Variants in LTV1 observed in about 807,000 individuals in gnomAD.
LTV1 encodes LTV1 ribosome biogenesis factor.
A neutral mutation model predicts 59.9 loss-of-function variants in LTV1; 39 were observed. The observed-to-expected ratio is 0.65, with a 90% confidence interval of 0.50 to 0.85. The LOEUF is 0.85. Among genes scored for constraint, LTV1 ranks in the 40% least tolerant of loss-of-function variants. The pLI is 0.00. For missense variants in LTV1, 493 were observed against 549.1 expected (o/e 0.90, Z 1.02); for synonymous variants, 171 against 189.5 (o/e 0.90, Z 0.80).
Position 143,857,792 on chromosome 6 carries a change from G to C in LTV1, c.580G>C (p.Asp194His), listed in dbSNP as rs777511525. ...NEDDSEWEDV[D>H]DEKGDSNDDY... ...AGATGACAGCGAGTGGGAAGATGTG[G>C]ATGATGAGAAGGGAGATAGCAATGA... Residue 194 changes from aspartate to histidine, a missense_variant, in exon 6 of 11, where the codon GAT becomes CAT. By Grantham distance (81) the Asp-to-His change is moderately conservative. Transcript: ENST00000367576. The surrounding 1 kb of genome is among the most constrained non-coding windows in gnomAD (Gnocchi z 5.2). 55 of 1,613,990 alleles carry C rather than the reference G, an allele frequency of 3.4e-5. No homozygotes were observed. The highest frequency in any genetic ancestry group is 4.6e-5 in the Non-Finnish European group (54 of 1,179,984).
At chr6:143,849,075 A>C (rs1776941482) in intron 3 of LTV1, among the ~76,000 whole-genome samples, 1 of 152,204 alleles carries the variant, frequency 6.6e-6, no homozygotes, top group Non-Finnish European at 1.5e-5. Flanking sequence ...TCAGAAACTC[A>C]AGAAGGTCAC....
At chr6:143,856,893 A>G (rs1256423587) in intron 4 of LTV1, among the ~76,000 whole-genome samples, 1 of 152,194 alleles carries the variant, frequency 6.6e-6, no homozygotes, top group Non-Finnish European at 1.5e-5. Context: ...GGTGTCTCCT[A>G]GGCAGGAGGC....
chr6:143,846,289 CT>C, intron 3 of LTV1, 65 bp downstream of exon 3: 9 of 1,464,262 alleles, frequency 6.1e-6, no homozygotes, highest in Non-Finnish European at 8.4e-6. Context: ...ATCAAGATAT[CT>C]GTTTGGGGCA....
chr6:143,853,607 G>C (rs1264077476), intron 4 of LTV1, among the ~76,000 whole-genome samples: 1 of 152,168 alleles, frequency 6.6e-6, no homozygotes, highest in Non-Finnish European at 1.5e-5. Flanking sequence ...CTGAGGGTTT[G>C]TCATAAATAG....
chr6:143,851,080 G>A lies in LTV1; in HGVS notation c.397+862G>A, dbSNP rs574274931. ...CCAGACAGAGGACTGTATGTCCTAA[G>A]GCAAGAGAACGTGAATATAGGTAAC... On this transcript the variant is annotated intron_variant, in intron 4 of 10. Transcript: ENST00000367576. 4.6e-5 allele frequency among the ~76,000 whole-genome samples: 7 copies of A among 152,242 alleles called. No homozygotes were observed. In the East Asian group the frequency reaches 1.4e-3, roughly 29 times the overall value.
chr6:143,853,036 T>G (rs1777012815), intron 4 of LTV1, among the ~76,000 whole-genome samples: 1 of 151,562 alleles, frequency 6.6e-6, no homozygotes, highest in African/African-American at 2.4e-5. Context: ...TGCTTAGGAT[T>G]ATCTTGTAAA....
At position 143,857,479 on chromosome 6, in the gene LTV1, C is replaced by T. The variant is rs1261387963; in HGVS notation, c.539+35C>T. ...GTTTGTTTCAAAGCAGAGATGATGA[C>T]CTAAGTGTTACTGCTTCAGTGGGAT... On this transcript the variant is annotated intron_variant, in intron 5 of 10. Transcript: ENST00000367576. This position sits in a 1 kb window ranked among gnomAD's most constrained non-coding sequence, Gnocchi z 5.2. 15 of 1,565,428 alleles carry T rather than the reference C, an allele frequency of 9.6e-6. No individual in the cohort carries two copies. Among genetic ancestry groups the T allele is most frequent in the Non-Finnish European group, 1.3e-5 (15 of 1,136,934 alleles).
chr6:143,857,559 A>T lies in LTV1; in HGVS notation c.539+115A>T. The T allele has an allele frequency of 8.8e-7, 1 of 1,137,420 alleles. No homozygotes were observed. Among genetic ancestry groups the T allele is most frequent in the Non-Finnish European group, 1.3e-6 (1 of 781,444 alleles). The allele number at this position is 1,137,420 out of a possible 1,614,324, so 70.5% of individuals were successfully genotyped here. On this transcript the variant is annotated intron_variant, in intron 5 of 10. Coordinates refer to ENST00000367576, the MANE Select transcript of LTV1 (RefSeq NM_032860.5). The surrounding 1 kb of genome is among the most constrained non-coding windows in gnomAD (Gnocchi z 5.2). ...GACCTTCAAGAGCATTTAATCTGAG[A>T]CTTCTGTATTTTAGAGCAGAAAATG... is the stretch of plus-strand genomic sequence containing the variant.
chr6:143,854,955 A>G (rs1302529657), intron 4 of LTV1, among the ~76,000 whole-genome samples: 2 of 152,140 alleles, frequency 1.3e-5, no homozygotes, highest in Admixed American at 6.5e-5. Flanking sequence ...GTCACTGTCT[A>G]TTAGGTCTGC....
intron 6 of LTV1, chr6:143,858,345 G>C (rs1777113271): frequency 4.2e-6 from 1 of 238,684 alleles, no homozygotes; most frequent in Non-Finnish European, 8.5e-6. Context: ...AAAAGTAGCT[G>C]TAATAGTTTT....
chr6:143,850,118 T>A lies in LTV1; in HGVS notation c.310-13T>A. On this transcript the variant is annotated splice_polypyrimidine_tract_variant and intron_variant, in intron 3 of 10. Coordinates refer to ENST00000367576, the MANE Select transcript of LTV1 (RefSeq NM_032860.5). ...CCAAATAAACCTAACCATTGTGCAA[T>A]TTCTTTTTCAAGAGCACTGGAATTA... 1.9e-6 allele frequency: 3 copies of A among 1,608,162 alleles called. No individual in the cohort carries two copies. Among genetic ancestry groups the A allele is most frequent in the Non-Finnish European group, 2.6e-6 (3 of 1,175,760 alleles).
At chr6:143,849,741 T>A (rs1562329684) in intron 3 of LTV1, among the ~76,000 whole-genome samples, 1 of 152,190 alleles carries the variant, frequency 6.6e-6, no homozygotes, top group Non-Finnish European at 1.5e-5. Flanking sequence ...CCTTCATGGT[T>A]CTGGAGGTCA....
Position 143,863,157 on chromosome 6 carries a change from A to G in LTV1, c.1188A>G (p.Ala396=). The G allele has an allele frequency of 5.6e-6, 9 of 1,614,030 alleles. No homozygotes were observed. The highest frequency in any genetic ancestry group is 7.6e-6 in the Non-Finnish European group (9 of 1,179,918). Reference sequence around the variant, plus strand: ...TCTTACCAAAGAAAGGACTCACAGCAAAGCAAACTGAAAGAATACAGATGA... The same window carrying G: ...TCTTACCAAAGAAAGGACTCACAGCGAAGCAAACTGAAAGAATACAGATGA... The part of the protein sequence containing the change: ...LNVLPKKGLT[A]KQTERIQMIN... Residue 396 remains alanine, a synonymous_variant, in exon 10 of 11, where the codon GCA becomes GCG. Transcript: ENST00000367576. The surrounding 1 kb of genome is among the most constrained non-coding windows in gnomAD (Gnocchi z 4.5).
rs1777203115 is a variant in LTV1, at chr6:143,863,226, T to C, written c.1257T>C (p.Ser419=). The C allele has an allele frequency of 6.2e-7, 1 of 1,613,868 alleles. No homozygotes were observed. The highest frequency in any genetic ancestry group is 1.3e-5 in the African/African-American group (1 of 74,894). ...CTAAAGTATCAACTCAGCCACGTTC[T>C]AAAAATGAAAGCAAAGAAGATAAAA... The part of the protein sequence containing the change: ...DLPKVSTQPR[S]KNESKEDKRA... Residue 419 remains serine (S), a synonymous_variant, in exon 10 of 11, where the codon TCT becomes TCC. Coordinates refer to ENST00000367576, the MANE Select transcript of LTV1 (RefSeq NM_032860.5). This position sits in a 1 kb window ranked among gnomAD's most constrained non-coding sequence, Gnocchi z 4.5.
chr6:143,860,435 CA>C lies in LTV1; in HGVS notation c.807del (p.Gln269HisfsTer30). The C allele has an allele frequency of 1.2e-6, 2 of 1,612,504 alleles. No homozygotes were observed. The highest frequency in any genetic ancestry group is 2.2e-5 in the East Asian group (1 of 44,758). ...TCTGTTTATATTCAAGTTTTATGAG[CA>C]ATATGATGATGATGAAATTGGAGCT... Reference protein sequence around the residue: ...HDERFEKFYEQYDDDEIGALD... With the variant: ...HDERFEKFYEXYDDDEIGALD... On this transcript the variant is annotated frameshift_variant, in exon 7 of 11. Transcript: ENST00000367576. LOFTEE classifies it high-confidence loss of function.
rs1777091384 is a variant in LTV1 at position 143,857,227 on chromosome 6, G to T, written c.398-76G>T. ...TATTAATAGACTCTTGCTATCATAG[G>T]TCCTTATATTGTGAGTTAAGTGAAT... On this transcript the variant is annotated intron_variant, in intron 4 of 10. Transcript: ENST00000367576. The surrounding 1 kb of genome is among the most constrained non-coding windows in gnomAD (Gnocchi z 5.2). 2 of 1,549,080 alleles carry T rather than the reference G, an allele frequency of 1.3e-6. No individual in the cohort carries two copies. The highest frequency in any genetic ancestry group is 2.7e-5 in the African/African-American group (2 of 73,156).
intron 4 of LTV1, among the ~76,000 whole-genome samples, chr6:143,856,437 C>T (rs1777078479): frequency 6.6e-6 from 1 of 152,172 alleles, no homozygotes; most frequent in Non-Finnish European, 1.5e-5. Context: ...ATACTTCTGT[C>T]AATTCATCAA....
At chr6:143,847,281 C>T (rs1225041092) in intron 3 of LTV1, among the ~76,000 whole-genome samples, 2 of 152,216 alleles carry the variant, frequency 1.3e-5, no homozygotes, top group African/African-American at 2.4e-5. Context: ...CTTAGTGGCT[C>T]AACTTGTTTA....
At chr6:143,845,770 G>A (rs192382299) in intron 2 of LTV1, among the ~76,000 whole-genome samples, 7 of 152,306 alleles carry the variant, frequency 4.6e-5, no homozygotes, top group African/African-American at 1.4e-4. Flanking sequence ...AATGTCTAGT[G>A]GAAGGAGCAA....
Sources: allele counts gnomAD v4.1 joint callset (sites outside exome capture counted in the v4.1 genomes callset), GRCh38; gene constraint gnomAD v4.1.1; non-coding constraint Gnocchi (gnomAD v3.1); transcripts MANE v1.5; gene names NCBI Gene and HGNC (gene_info 2026-07-23, HGNC 2026-07-21).